Variants in NKAIN3 observed in about 807,000 individuals in gnomAD.
NKAIN3 encodes the protein sodium/potassium-transporting ATPase subunit beta-1-interacting protein 3.
In NKAIN3, 25 loss-of-function variants were observed where a neutral mutation model predicts 30.2. That is an observed-to-expected ratio of 0.83 (90% CI 0.60 to 1.16). NKAIN3 has a LOEUF of 1.16. Ranked by LOEUF, NKAIN3 falls within the 50% of genes most tolerant of loss-of-function variation. The pLI is 0.00. For synonymous variants in NKAIN3, 91 were observed against 89.6 expected (o/e 1.02, Z -0.09); for missense variants, 225 against 254.1 (o/e 0.89, Z 0.78).
At chr8:62,548,822 A>G (rs982274062) in intron 1 of NKAIN3, among the ~76,000 whole-genome samples, 8 of 151,212 alleles carry the variant, frequency 5.3e-5, no homozygotes, top group Non-Finnish European at 1.2e-4. Flanking sequence ...TATATGATGA[A>G]CAAATAAAAT....
chr8:62,528,344 T>TAATATA (rs34837388), intron 1 of NKAIN3, among the ~76,000 whole-genome samples: 1 of 115,284 alleles, frequency 8.7e-6, no homozygotes. Flanking sequence ...TTATATAATA[T>TAATATA]ATATATATAT....
At chr8:62,454,596 A>G (rs1183044074) in intron 1 of NKAIN3, among the ~76,000 whole-genome samples, 1 of 151,798 alleles carries the variant, frequency 6.6e-6, no homozygotes, top group Admixed American at 6.5e-5. Context: ...TAATTAAAAC[A>G]CTTCCACTTT....
rs772607948 is a variant in NKAIN3, at chr8:62,350,909, C to T, written c.54+101782C>T. 8.8e-4 allele frequency among the ~76,000 whole-genome samples: 133 copies of T among 151,572 alleles called. 1 individual carries two copies. Among genetic ancestry groups the T allele is most frequent in the Non-Finnish European group, 1.2e-3 (84 of 67,932 alleles). On this transcript the variant is annotated intron_variant, in intron 1 of 6. Transcript: ENST00000623646. ...TTCACCATGTTGGACAGGCTGGTCT[C>T]GAACTCCTGACCTCAAGTGATCCAC...
intron 1 of NKAIN3, among the ~76,000 whole-genome samples, chr8:62,554,556 A>T (rs1472586844): frequency 6.6e-6 from 1 of 152,226 alleles, no homozygotes; most frequent in East Asian, 1.9e-4. Context: ...CTTTACATGG[A>T]TTTGTAAACT....
chr8:62,694,821 T>A (rs1785628047), intron 3 of NKAIN3, among the ~76,000 whole-genome samples: 2 of 152,202 alleles, frequency 1.3e-5, no homozygotes, highest in South Asian at 4.1e-4. Flanking sequence ...AAGTTCAAAT[T>A]ACACAGCTTT....
At chr8:62,422,794 A>G (rs574517863) in intron 1 of NKAIN3, among the ~76,000 whole-genome samples, 1 of 152,240 alleles carries the variant, frequency 6.6e-6, no homozygotes, top group South Asian at 2.1e-4. Flanking sequence ...GCTAAAAAGG[A>G]AATATTTGTT....
At chr8:62,569,087 A>AT in intron 1 of NKAIN3, among the ~76,000 whole-genome samples, 3 of 152,310 alleles carry the variant, frequency 2.0e-5, no homozygotes, top group African/African-American at 7.2e-5. Flanking sequence ...CATCACAAGC[A>AT]TTACAAATAT....
chr8:62,986,550 T>C (rs1379203237), downstream of NKAIN3, among the ~76,000 whole-genome samples: 4 of 152,178 alleles, frequency 2.6e-5, no homozygotes, highest in African/African-American at 4.8e-5. Flanking sequence ...CGACACATAT[T>C]AGATGTTCCT....
At chr8:62,286,296 A>AT (rs1274435879) in intron 1 of NKAIN3, among the ~76,000 whole-genome samples, 4 of 152,282 alleles carry the variant, frequency 2.6e-5, no homozygotes, top group African/African-American at 9.6e-5. Context: ...GGAATACAAA[A>AT]TTTATCTTAG....
At chr8:62,726,907 A>T (rs1224695602) in intron 3 of NKAIN3, among the ~76,000 whole-genome samples, 3 of 152,112 alleles carry the variant, frequency 2.0e-5, no homozygotes, top group Non-Finnish European at 4.4e-5. Context: ...AAGAACAGGA[A>T]ACTACCAGCC....
intron 1 of NKAIN3, among the ~76,000 whole-genome samples, chr8:62,348,979 G>T (rs1816098736): frequency 6.6e-6 from 1 of 152,134 alleles, no homozygotes; most frequent in African/African-American, 2.4e-5. Context: ...TAGCAGAAAT[G>T]ATGGTCCCTT....
intron 3 of NKAIN3, among the ~76,000 whole-genome samples, chr8:62,691,584 T>A (rs534818510): frequency 6.6e-6 from 1 of 152,142 alleles, no homozygotes; most frequent in Non-Finnish European, 1.5e-5. Flanking sequence ...GAGAAAAAAA[T>A]TTGGAATATT....
intron 4 of NKAIN3, among the ~76,000 whole-genome samples, chr8:62,817,991 AAAG>A (rs1818737524): frequency 6.6e-6 from 1 of 152,152 alleles, no homozygotes; most frequent in Non-Finnish European, 1.5e-5. Flanking sequence ...ATTTGAAGTA[AAAG>A]AAGTATATTA....
intron 4 of NKAIN3, among the ~76,000 whole-genome samples, chr8:62,795,783 C>T (rs1251881104): frequency 6.6e-6 from 1 of 152,032 alleles, no homozygotes. Context: ...TCCTTAGGCC[C>T]AGAAAATCAT....
chr8:62,609,849 T>C (rs941062848), intron 3 of NKAIN3, among the ~76,000 whole-genome samples: 2 of 151,844 alleles, frequency 1.3e-5, no homozygotes, highest in East Asian at 1.9e-4. Flanking sequence ...CATGAGCCAG[T>C]AGAGGAGAGC....
intron 1 of NKAIN3, among the ~76,000 whole-genome samples, chr8:62,375,008 T>C (rs1159332796): frequency 1.3e-5 from 2 of 152,256 alleles, no homozygotes; most frequent in African/African-American, 2.4e-5. Context: ...GGACTTCTTA[T>C]GTGTAAATGC....
At chr8:62,276,549 A>G (rs1021282795) in intron 1 of NKAIN3, among the ~76,000 whole-genome samples, 10 of 152,236 alleles carry the variant, frequency 6.6e-5, no homozygotes, top group African/African-American at 2.2e-4. Context: ...ATGATGTTCT[A>G]TTAAGTACAC....
intron 4 of NKAIN3, among the ~76,000 whole-genome samples, chr8:62,842,589 A>G (rs1442797681): frequency 2.0e-5 from 3 of 152,186 alleles, no homozygotes; most frequent in Non-Finnish European, 4.4e-5. Context: ...TACAGGCATC[A>G]TACTACCTGA....
At chr8:62,321,394 A>AG (rs1462244379) in intron 1 of NKAIN3, among the ~76,000 whole-genome samples, 6 of 152,284 alleles carry the variant, frequency 3.9e-5, no homozygotes, top group Admixed American at 6.5e-5. Flanking sequence ...GCTTTGCAGG[A>AG]GGAAAGGTGC....
Sources: gnomAD v4.1 joint callset for allele counts (sites outside exome capture counted in the v4.1 genomes callset) on GRCh38, gnomAD v4.1.1 for gene constraint, MANE v1.5 for transcripts, NCBI Gene and HGNC (gene_info 2026-07-23, HGNC 2026-07-21) for gene names.